Variants in PEAK1 observed in about 807,000 individuals in gnomAD.
PEAK1 encodes the protein inactive tyrosine-protein kinase PEAK1.
Under a neutral mutation model 124.7 loss-of-function variants are expected in PEAK1, and 54 were observed. That is an observed-to-expected ratio of 0.43 (90% CI 0.35 to 0.54). PEAK1 has a LOEUF of 0.54. PEAK1 is among the 20% of genes least tolerant of loss of function. The pLI, the probability that PEAK1 is intolerant of heterozygous loss-of-function variation, is 0.01. For missense variants in PEAK1, 2,046 were observed against 2,134.5 expected (o/e 0.96, Z 0.82); for synonymous variants, 719 against 760.0 (o/e 0.95, Z 0.89).
chr15:77,180,376 T>A lies in PEAK1; in HGVS notation c.1551A>T (p.Gly517=), dbSNP rs1372085806. Residue 517 remains glycine (G), a synonymous_variant, in exon 7 of 10, where the codon GGA becomes GGT. Coordinates refer to ENST00000682557, the MANE Select transcript of PEAK1 (RefSeq NM_001385026.1). ...SPVTSSSLTP[G]QISAHFQKSS... is the part of the protein sequence containing the mutation. Reference sequence around the variant, plus strand: ...ATTTTTGGAAATGGGCACTTATTTGTCCTGGTGTCAATGAAGATGATGTAA... The same window carrying A: ...ATTTTTGGAAATGGGCACTTATTTGACCTGGTGTCAATGAAGATGATGTAA... 6.2e-7 allele frequency: 1 copy of A among 1,614,140 alleles called. No individual in the cohort carries two copies. The highest frequency in any genetic ancestry group is 1.3e-5 in the African/African-American group (1 of 75,034).
chr15:77,222,978 G>A (rs1207179153), intron 6 of PEAK1, among the ~76,000 whole-genome samples: 1 of 151,894 alleles, frequency 6.6e-6, no homozygotes. Flanking sequence ...TAATACCTGC[G>A]AGCTTGTTAG....
In PEAK1 at chr15:77,301,087, A is replaced by G. The variant is rs183948389; in HGVS notation, c.-602-14583T>C. ...AGGCTGGTCTTGAACTGCTGACCTC[A>G]AGTGATCAGAAATTTATTTATTTTT... is the stretch of plus-strand genomic sequence containing the variant. On this transcript the variant is annotated intron_variant, in intron 2 of 9. Transcript: ENST00000682557. Among the ~76,000 whole-genome samples, 224 of 152,288 alleles carry G rather than the reference A, an allele frequency of 1.5e-3. 1 individual carries two copies. Among genetic ancestry groups the G allele is most frequent in the African/African-American group, 5.2e-3 (218 of 41,560 alleles).
chr15:77,333,142 C>CTTTA lies in PEAK1; in HGVS notation c.-603+32017_-603+32020dup, dbSNP rs372151680. ...CATAATTTTTTGTGCAACTAAAACA[C>CTTTA]TTTATTTATTTATTTATTTATTTAT... On this transcript the variant is annotated intron_variant, in intron 2 of 9. Coordinates refer to ENST00000682557, the MANE Select transcript of PEAK1 (RefSeq NM_001385026.1). 2,516 of 962,062 alleles carry CTTTA rather than the reference C, an allele frequency of 2.6e-3. 28 individuals carry two copies. The African/African-American group carries it at 0.027, about 10-fold the overall frequency. The allele number at this position is 962,062 out of a possible 1,614,324, so 59.6% of individuals were successfully genotyped here.
intron 1 of PEAK1, among the ~76,000 whole-genome samples, chr15:77,367,897 A>T (rs1340638919): frequency 1.3e-5 from 2 of 152,206 alleles, no homozygotes; most frequent in Non-Finnish European, 1.5e-5. Flanking sequence ...TGTTTCTCCA[A>T]GGTTCAGCTA....
At chr15:77,282,856 A>C (rs1464617178) in intron 5 of PEAK1, among the ~76,000 whole-genome samples, 1 of 152,114 alleles carries the variant, frequency 6.6e-6, no homozygotes, top group Non-Finnish European at 1.5e-5. Context: ...CTCAAAACAA[A>C]AACCAAAAAA....
intron 2 of PEAK1, among the ~76,000 whole-genome samples, chr15:77,301,967 A>T (rs1000381459): frequency 1.5e-4 from 23 of 152,210 alleles, no homozygotes; most frequent in Admixed American, 1.4e-3. Context: ...TTTGTTGCTC[A>T]AACTGTTCCA....
chr15:77,303,994 A>C (rs1193299297), intron 2 of PEAK1, among the ~76,000 whole-genome samples: 1 of 152,204 alleles, frequency 6.6e-6, no homozygotes, highest in Non-Finnish European at 1.5e-5. Flanking sequence ...AAATCAGTTG[A>C]CTATATTCAT....
chr15:77,240,106 T>C (rs553783541), intron 6 of PEAK1, among the ~76,000 whole-genome samples: 8 of 152,330 alleles, frequency 5.3e-5, no homozygotes, highest in African/African-American at 1.9e-4. Flanking sequence ...AATGCTTAGA[T>C]ACTAGCAAAA....
intron 2 of PEAK1, among the ~76,000 whole-genome samples, chr15:77,344,284 C>A (rs1384527986): frequency 1.3e-5 from 2 of 151,850 alleles, no homozygotes; most frequent in African/African-American, 4.8e-5. Flanking sequence ...TTAGTAGAGA[C>A]GGGGTTTCAC....
At chr15:77,384,871 G>A in intron 1 of PEAK1, among the ~76,000 whole-genome samples, 1 of 152,134 alleles carries the variant, frequency 6.6e-6, no homozygotes, top group East Asian at 1.9e-4. Flanking sequence ...CAGTTGAGTA[G>A]TTGTGACAGA....
At chr15:77,214,770 A>G (rs1305411593) in intron 6 of PEAK1, among the ~76,000 whole-genome samples, 1 of 152,152 alleles carries the variant, frequency 6.6e-6, no homozygotes, top group Non-Finnish European at 1.5e-5. Context: ...TATGGCCAGC[A>G]GGAGAGAGAG....
intron 2 of PEAK1, among the ~76,000 whole-genome samples, chr15:77,295,650 AG>A (rs2063447624): frequency 6.6e-6 from 1 of 152,244 alleles, no homozygotes; most frequent in African/African-American, 2.4e-5. Context: ...ATTCCAACAC[AG>A]TATTACATAA....
chr15:77,216,524 G>T (rs568857470), intron 6 of PEAK1, among the ~76,000 whole-genome samples: 7 of 152,200 alleles, frequency 4.6e-5, no homozygotes, highest in Admixed American at 6.5e-5. Flanking sequence ...GATGCCTTAT[G>T]AAAGTTTATG....
chr15:77,339,131 T>A (rs1192266876), intron 2 of PEAK1, among the ~76,000 whole-genome samples: 1 of 150,092 alleles, frequency 6.7e-6, no homozygotes, highest in African/African-American at 2.5e-5. Context: ...TTTTTTTTTT[T>A]AAACGGTCTC....
intron 6 of PEAK1, among the ~76,000 whole-genome samples, chr15:77,206,459 C>T (rs1477287736): frequency 6.8e-6 from 1 of 147,082 alleles, no homozygotes; most frequent in Non-Finnish European, 1.5e-5. Flanking sequence ...TAAAAGTGTT[C>T]CTATTTCTCC....
chr15:77,377,310 A>C (rs755648964), intron 1 of PEAK1, among the ~76,000 whole-genome samples: 13 of 152,130 alleles, frequency 8.5e-5, no homozygotes, highest in Non-Finnish European at 1.9e-4. Flanking sequence ...CTTAAGCCAG[A>C]AAGGTGGAGT....
chr15:77,294,099 G>C (rs1383384182), intron 2 of PEAK1, among the ~76,000 whole-genome samples: 1 of 152,148 alleles, frequency 6.6e-6, no homozygotes, highest in Non-Finnish European at 1.5e-5. Context: ...CATTTTTCCA[G>C]TGCCCTCAGC....
intron 5 of PEAK1, among the ~76,000 whole-genome samples, chr15:77,262,991 T>A (rs1417404795): frequency 2.6e-5 from 4 of 152,148 alleles, no homozygotes; most frequent in Admixed American, 1.3e-4. Flanking sequence ...AACAACCTGC[T>A]CCTGAATGAC....
intron 2 of PEAK1, among the ~76,000 whole-genome samples, chr15:77,301,688 T>G (rs544924992): frequency 7.9e-5 from 12 of 152,302 alleles, no homozygotes; most frequent in African/African-American, 2.6e-4. Context: ...TGGCTTGAGG[T>G]ACAATTTATC....
Sources: allele counts gnomAD v4.1 joint callset (sites outside exome capture counted in the v4.1 genomes callset), GRCh38; gene constraint gnomAD v4.1.1; transcripts MANE v1.5; gene names NCBI Gene and HGNC (gene_info 2026-07-23, HGNC 2026-07-21).